The following PLXNA4 variants were observed in gnomAD, a reference collection of about 807,000 sequenced individuals.
The protein encoded by PLXNA4 is plexin-A4.
A neutral mutation model predicts 191.8 loss-of-function variants in PLXNA4; 44 were observed. That is an observed-to-expected ratio of 0.23 (90% confidence interval 0.18 to 0.29). PLXNA4 has a LOEUF of 0.29. Ranked by LOEUF, PLXNA4 falls within the 10% of genes least tolerant of loss-of-function variation. The probability of loss-of-function intolerance (pLI) is 1.00; values close to 1 mark genes in which losing one functional copy is unlikely to be tolerated. For missense variants in PLXNA4, 1,800 were observed against 2,488.8 expected (o/e 0.72, Z 5.89); for synonymous variants, 1,082 against 1,009.5 (o/e 1.07, Z -1.36).
intron 3 of PLXNA4, among the ~76,000 whole-genome samples, chr7:132,413,782 T>C (rs75135907): frequency 0.017 from 2,637 of 152,306 alleles, 47 homozygotes; most frequent in Non-Finnish European, 0.023. Context: ...TATTATGGAA[T>C]CTACATAGAG....
At chr7:132,445,236 T>A (rs1795860561) in intron 3 of PLXNA4, among the ~76,000 whole-genome samples, 1 of 149,290 alleles carries the variant, frequency 6.7e-6, no homozygotes, top group Non-Finnish European at 1.5e-5. Context: ...CCCTTCCATG[T>A]GTAGGTTAAT....
rs568305550 is a variant in PLXNA4 at position 132,180,539 on chromosome 7, C to T, written c.3639+47G>A. ...CCTTGGTGGCCTGAGCTCACATCTG[C>T]ATCCCTACTGCCCGCTCCATCCAGG... On this transcript the variant is annotated intron_variant, in intron 19 of 31. Transcript: ENST00000321063. 4.4e-6 allele frequency: 7 copies of T among 1,609,008 alleles called. No homozygotes were observed. The South Asian group carries it at 7.7e-5, about 18-fold the overall frequency.
intron 2 of PLXNA4, among the ~76,000 whole-genome samples, chr7:132,596,522 A>C (rs1802713065): frequency 1.3e-5 from 2 of 152,224 alleles, no homozygotes; most frequent in Non-Finnish European, 2.9e-5. Context: ...AATGCCACAA[A>C]AGATTATGAA....
intron 3 of PLXNA4, chr7:132,383,498 T>C (rs1804984149): frequency 8.9e-6 from 8 of 894,698 alleles, no homozygotes; most frequent in Non-Finnish European, 9.4e-6. Context: ...AGCATTTTGA[T>C]GGTTCTCTTT....
chr7:132,428,488 A>G (rs936107643), intron 3 of PLXNA4, among the ~76,000 whole-genome samples: 1 of 152,238 alleles, frequency 6.6e-6, no homozygotes, highest in African/African-American at 2.4e-5. Flanking sequence ...CAGTGTCAGC[A>G]GAGAAAGGGA....
chr7:132,369,175 T>C (rs908858944), intron 3 of PLXNA4, among the ~76,000 whole-genome samples: 1 of 152,128 alleles, frequency 6.6e-6, no homozygotes, highest in African/African-American at 2.4e-5. Flanking sequence ...TCCTTTCAAC[T>C]TCCTCTTCCC....
intron 3 of PLXNA4, among the ~76,000 whole-genome samples, chr7:132,350,314 G>A (rs190769373): frequency 6.6e-6 from 1 of 152,052 alleles, no homozygotes; most frequent in African/African-American, 2.4e-5. Flanking sequence ...GACCAGCCTG[G>A]CCAACATGGT....
chr7:132,306,452 G>A (rs1476487022), intron 3 of PLXNA4, among the ~76,000 whole-genome samples: 1 of 152,110 alleles, frequency 6.6e-6, no homozygotes, highest in Non-Finnish European at 1.5e-5. Context: ...AGCAATGAGT[G>A]ACCAGCCGTA....
intron 3 of PLXNA4, among the ~76,000 whole-genome samples, chr7:132,417,941 C>G (rs1794716050): frequency 6.6e-6 from 1 of 152,198 alleles, no homozygotes; most frequent in Admixed American, 6.5e-5. Context: ...TCTAAAGACT[C>G]TCTTCTTAGG....
At chr7:132,207,779 A>G (rs777726703) in intron 10 of PLXNA4, among the ~76,000 whole-genome samples, 13 of 152,260 alleles carry the variant, frequency 8.5e-5, no homozygotes, top group Non-Finnish European at 1.6e-4. Context: ...TGGATTTAGG[A>G]AATGAAAAAA....
intron 1 of PLXNA4, among the ~76,000 whole-genome samples, chr7:132,530,453 A>T (rs1468241040): frequency 6.6e-6 from 1 of 152,222 alleles, no homozygotes; most frequent in Non-Finnish European, 1.5e-5. Context: ...TGACTTAAAG[A>T]GATGTTTCTC....
At chr7:132,136,807 G>A (rs6962187) in intron 30 of PLXNA4, among the ~76,000 whole-genome samples, 20,121 of 152,208 alleles carry the variant, frequency 0.13, 2,708 homozygotes, top group African/African-American at 0.34. Flanking sequence ...GGATGAAGAT[G>A]CAGGAGTGAA....
At chr7:132,541,729 T>G (rs1800096808) in intron 1 of PLXNA4, among the ~76,000 whole-genome samples, 1 of 152,370 alleles carries the variant, frequency 6.6e-6, no homozygotes, top group South Asian at 2.1e-4. Flanking sequence ...GAGCATGGGT[T>G]GCTGCTTTCA....
intron 3 of PLXNA4, among the ~76,000 whole-genome samples, chr7:132,437,549 C>T (rs1360400711): frequency 1.4e-5 from 2 of 141,454 alleles, no homozygotes; most frequent in African/African-American, 2.6e-5. Context: ...GGAAGGAGAG[C>T]TGCATCTGAG....
At chr7:132,177,174 AGTGT>A (rs1190336046) in intron 20 of PLXNA4, among the ~76,000 whole-genome samples, 1 of 140,894 alleles carries the variant, frequency 7.1e-6, no homozygotes, top group Non-Finnish European at 1.5e-5. Context: ...TGCACGAGTG[AGTGT>A]ATGTGAGTGT....
chr7:132,186,346 G>T (rs1331565715), intron 15 of PLXNA4, among the ~76,000 whole-genome samples: 1 of 152,204 alleles, frequency 6.6e-6, no homozygotes, highest in Non-Finnish European at 1.5e-5. Flanking sequence ...AGCTGGCTCT[G>T]CAGCTCCCAG....
intron 9 of PLXNA4, among the ~76,000 whole-genome samples, chr7:132,220,197 C>T (rs1164341518): frequency 1.3e-5 from 2 of 152,172 alleles, no homozygotes; most frequent in Non-Finnish European, 2.9e-5. Flanking sequence ...TTTCACTGAC[C>T]CCAAATGGCT....
At chr7:132,359,209 C>CTT (rs57415453) in intron 3 of PLXNA4, among the ~76,000 whole-genome samples, 6,239 of 110,856 alleles carry the variant, frequency 0.056, 266 homozygotes, top group Non-Finnish European at 0.077. Flanking sequence ...GTCAAGGCTG[C>CTT]TTTTTTTTTT....
At chr7:132,189,001 AGAGAGAG>A (rs1796989074) in intron 14 of PLXNA4, among the ~76,000 whole-genome samples, 1 of 57,444 alleles carries the variant, frequency 1.7e-5, no homozygotes, top group Non-Finnish European at 3.7e-5. Flanking sequence ...AAGGAGAGAG[AGAGAGAG>A]AGAGAGAGAG....
Sources: gnomAD v4.1 joint callset for allele counts (sites outside exome capture counted in the v4.1 genomes callset) on GRCh38, gnomAD v4.1.1 for gene constraint, MANE v1.5 for transcripts, NCBI Gene and HGNC (gene_info 2026-07-23, HGNC 2026-07-21) for gene names.